CAMK4: variants seen among roughly 807,000 people sequenced by gnomAD.
CAMK4 encodes the protein calcium/calmodulin-dependent protein kinase type IV.
CAMK4 carries 22 observed loss-of-function variants against 44.9 expected under a neutral mutation model. The ratio of observed to expected loss-of-function variants is 0.49; its 90% CI spans 0.35 to 0.70. The LOEUF (loss-of-function observed/expected upper bound fraction) is 0.70, where lower values mean the gene tolerates loss of function less well. Among genes scored for constraint, CAMK4 ranks in the 30% least tolerant of loss-of-function variants. The pLI is 0.01. For missense variants in CAMK4, 498 were observed against 586.8 expected (o/e 0.85, Z 1.56); for synonymous variants, 218 against 215.4 (o/e 1.01, Z -0.11).
chr5:111,373,809 C>T (rs1424506430), intron 2 of CAMK4, among the ~76,000 whole-genome samples: 1 of 152,072 alleles, frequency 6.6e-6, no homozygotes, highest in African/African-American at 2.4e-5. Flanking sequence ...ATGGCAGAAA[C>T]CATAGTAAGA....
At chr5:111,354,633 C>T (rs182038590) in intron 2 of CAMK4, among the ~76,000 whole-genome samples, 12 of 145,898 alleles carry the variant, frequency 8.2e-5, no homozygotes, top group East Asian at 4.1e-4. Context: ...CACTTGAACC[C>T]GGGAGATGGA....
intron 2 of CAMK4, among the ~76,000 whole-genome samples, chr5:111,346,521 C>T (rs753843076): frequency 1.9e-5 from 2 of 104,636 alleles, no homozygotes; most frequent in African/African-American, 7.0e-5. Context: ...TATCTCCATC[C>T]ATCTATCTAT....
Position 111,334,771 on chromosome 5 carries a change from T to C in CAMK4, c.162-9253T>C, listed in dbSNP as rs532973448. On this transcript the variant is annotated intron_variant, in intron 1 of 10. Coordinates refer to ENST00000282356, the MANE Select transcript of CAMK4 (RefSeq NM_001744.6). ...TAAGAGGATCTTTCCAGTAAGCACA[T>C]AGATTGAAAACAAAAACTTTAACAA... Among the ~76,000 whole-genome samples the C allele has an allele frequency of 4.0e-5, 6 of 150,978 alleles. No homozygotes were observed. The South Asian group carries it at 1.3e-3, about 32-fold the overall frequency.
intron 1 of CAMK4, among the ~76,000 whole-genome samples, chr5:111,339,250 A>G (rs916572191): frequency 1.3e-5 from 2 of 151,138 alleles, no homozygotes; most frequent in Non-Finnish European, 3.0e-5. Context: ...TCAGTTATCT[A>G]TTTTTGCTTT....
chr5:111,286,295 C>T (rs894682194), intron 1 of CAMK4, among the ~76,000 whole-genome samples: 6 of 152,132 alleles, frequency 3.9e-5, no homozygotes, highest in South Asian at 4.2e-4. Flanking sequence ...AACCTTTGTC[C>T]GGTGTTGTAT....
At chr5:111,442,476 G>A (rs1303488039) in intron 5 of CAMK4, among the ~76,000 whole-genome samples, 3 of 151,060 alleles carry the variant, frequency 2.0e-5, no homozygotes, top group African/African-American at 7.3e-5. Context: ...CAGCCTGGGC[G>A]ACAGACTGCG....
chr5:111,397,420 A>C (rs1284347393), intron 5 of CAMK4, among the ~76,000 whole-genome samples: 1 of 152,234 alleles, frequency 6.6e-6, no homozygotes, highest in Non-Finnish European at 1.5e-5. Flanking sequence ...AGATGTATGC[A>C]GACACACTTA....
chr5:111,240,072 G>A (rs1456936531), intron 1 of CAMK4, among the ~76,000 whole-genome samples: 1 of 152,160 alleles, frequency 6.6e-6, no homozygotes, highest in Non-Finnish European at 1.5e-5. Flanking sequence ...AATAACTGCT[G>A]CATGTGGTTC....
At chr5:111,434,291 CAA>C (rs34360413) in intron 5 of CAMK4, among the ~76,000 whole-genome samples, 50,514 of 131,766 alleles carry the variant, frequency 0.38, 9,233 homozygotes, top group Middle Eastern at 0.53. Context: ...GACTCTGTCT[CAA>C]AAAAAAAAAA....
chr5:111,337,153 G>T (rs1200589517), intron 1 of CAMK4, among the ~76,000 whole-genome samples: 2 of 151,130 alleles, frequency 1.3e-5, no homozygotes, highest in African/African-American at 4.8e-5. Context: ...TTATAAATGA[G>T]ATTCAACCAA....
chr5:111,366,296 G>A (rs932076606), intron 2 of CAMK4, among the ~76,000 whole-genome samples: 13 of 152,202 alleles, frequency 8.5e-5, no homozygotes, highest in African/African-American at 3.1e-4. Context: ...ATAAGGCTGA[G>A]CATTTTCTGT....
intron 4 of CAMK4, among the ~76,000 whole-genome samples, chr5:111,385,450 A>C (rs1456096687): frequency 1.3e-5 from 2 of 152,080 alleles, no homozygotes; most frequent in Non-Finnish European, 2.9e-5. Context: ...TGTTGGGTAA[A>C]ATATGAGCAT....
At chr5:111,280,411 C>G (rs953055994) in intron 1 of CAMK4, among the ~76,000 whole-genome samples, 2 of 152,196 alleles carry the variant, frequency 1.3e-5, no homozygotes, top group African/African-American at 4.8e-5. Context: ...CAAAGTAACT[C>G]TTCCAGTTAC....
intron 5 of CAMK4, among the ~76,000 whole-genome samples, chr5:111,410,036 C>G (rs1316554201): frequency 1.3e-5 from 2 of 152,214 alleles, no homozygotes; most frequent in Non-Finnish European, 2.9e-5. Context: ...CTTCTGAGCC[C>G]TCTAAACTCT....
intron 2 of CAMK4, among the ~76,000 whole-genome samples, chr5:111,357,518 T>G (rs1220240570): frequency 6.7e-6 from 1 of 149,456 alleles, no homozygotes; most frequent in African/African-American, 2.5e-5. Flanking sequence ...TACAAAAAGT[T>G]GAATGGTGGC....
At chr5:111,420,705 T>C (rs1337598116) in intron 5 of CAMK4, among the ~76,000 whole-genome samples, 2 of 152,208 alleles carry the variant, frequency 1.3e-5, no homozygotes, top group Admixed American at 1.3e-4. Flanking sequence ...CCCAGGGATG[T>C]TCCTTGCTGA....
chr5:111,267,521 G>A (rs1462555026), intron 1 of CAMK4, among the ~76,000 whole-genome samples: 1 of 151,778 alleles, frequency 6.6e-6, no homozygotes, highest in Admixed American at 6.6e-5. Context: ...TCGAGACCAC[G>A]GTGAAACCCC....
intron 5 of CAMK4, among the ~76,000 whole-genome samples, chr5:111,446,283 C>A (rs1438323331): frequency 2.6e-5 from 4 of 152,164 alleles, no homozygotes; most frequent in Non-Finnish European, 4.4e-5. Flanking sequence ...GAAGTCTTTG[C>A]TATACAGGTT....
intron 1 of CAMK4, among the ~76,000 whole-genome samples, chr5:111,247,942 G>T (rs1405315340): frequency 6.6e-6 from 1 of 152,158 alleles, no homozygotes; most frequent in Non-Finnish European, 1.5e-5. Flanking sequence ...GATTGCTCTA[G>T]AATTTTCCAG....
Sources: allele counts gnomAD v4.1 joint callset (sites outside exome capture counted in the v4.1 genomes callset), GRCh38; gene constraint gnomAD v4.1.1; transcripts MANE v1.5; gene names NCBI Gene and HGNC (gene_info 2026-07-23, HGNC 2026-07-21).